Variants in TTC34 observed in about 807,000 individuals in gnomAD.
TTC34 encodes the protein tetratricopeptide repeat domain 34.
TTC34 carries 44 observed loss-of-function variants against 40.7 expected under a neutral mutation model. The ratio of observed to expected loss-of-function variants is 1.08; its 90% CI spans 0.85 to 1.39. TTC34 has a LOEUF of 1.39. TTC34 is among the 40% of genes most tolerant of loss of function. The pLI, the probability that TTC34 is intolerant of heterozygous loss-of-function variation, is 0.00. For missense variants in TTC34, 884 were observed against 838.0 expected, an observed-to-expected ratio of 1.05 and a Z score of -0.68; for synonymous variants, 422 against 398.6, an observed-to-expected ratio of 1.06 and a Z score of -0.70.
intron 6 of TTC34, among the ~76,000 whole-genome samples, chr1:2,761,159 A>AC (rs1308943199): frequency 3.6e-5 from 1 of 27,816 alleles, no homozygotes; most frequent in Non-Finnish European, 5.4e-5. Context: ...AGCAGCGCCG[A>AC]CCCCCCCAGG....
At chr1:2,754,790 C>A (rs1224711390) in intron 6 of TTC34, among the ~76,000 whole-genome samples, 5 of 137,344 alleles carry the variant, frequency 3.6e-5, no homozygotes, top group African/African-American at 9.0e-5. Context: ...CACAGGTGAG[C>A]ATCTGACAGC....
intron 6 of TTC34, chr1:2,775,275 G>T (rs1441143831): frequency 2.0e-5 from 3 of 150,932 alleles, no homozygotes; most frequent in Non-Finnish European, 4.4e-5. Context: ...TCACATCCAG[G>T]TGAGCATCCG....
intron 6 of TTC34, among the ~76,000 whole-genome samples, chr1:2,752,662 A>G (rs1178782905): frequency 5.1e-4 from 72 of 142,042 alleles, no homozygotes; most frequent in Non-Finnish European, 9.8e-4. Flanking sequence ...CCCCCAGGCG[A>G]GCATCTGACA....
At chr1:2,640,439 G>C (rs954957912) in exon 9 of TTC34, 1 of 152,152 alleles carries the variant, frequency 6.6e-6, no homozygotes, top group Admixed American at 6.5e-5. Context: ...GCAGCTTCGG[G>C]AGACAGGTCT....
At chr1:2,641,602 C>G (rs1202083062) in exon 9 of TTC34, 4 of 1,534,084 alleles carry the variant, frequency 2.6e-6, no homozygotes, top group Non-Finnish European at 3.5e-6. Context: ...GCTTCAGGGC[C>G]TGGGCAAAGG....
chr1:2,694,102 C>G (rs1399173110), intron 6 of TTC34, among the ~76,000 whole-genome samples: 3 of 145,362 alleles, frequency 2.1e-5, no homozygotes, highest in African/African-American at 7.8e-5. Context: ...GGAACAGCAC[C>G]CTGCACCCCC....
chr1:2,700,013 C>G (rs1412319998), intron 6 of TTC34, among the ~76,000 whole-genome samples: 1 of 118,308 alleles, frequency 8.5e-6, no homozygotes. Flanking sequence ...GCGTCCACAC[C>G]CCCAGGTGAG....
intron 5 of TTC34, among the ~76,000 whole-genome samples, chr1:2,784,259 C>T (rs558935395): frequency 5.3e-5 from 8 of 152,312 alleles, no homozygotes; most frequent in South Asian, 2.1e-4. Flanking sequence ...AGGTGGCATA[C>T]GTCAGCGTTT....
intron 6 of TTC34, among the ~76,000 whole-genome samples, chr1:2,677,725 CCTG>C (rs1639963529): frequency 4.1e-5 from 6 of 146,224 alleles, no homozygotes; most frequent in African/African-American, 7.6e-5. Context: ...GGAACAGCAC[CCTG>C]CACCCCCAGG....
At position 2,641,294 on chromosome 1, in the gene TTC34, A is replaced by G. The variant is rs539929243; in HGVS notation, c.*74T>C. 6.0e-5 allele frequency: 85 copies of G among 1,425,002 alleles called. No individual in the cohort carries two copies. In the South Asian group the frequency reaches 1.2e-3, roughly 20 times the overall value. The allele number at this position is 1,425,002 out of a possible 1,614,324, so 88.3% of individuals were successfully genotyped here. ...CTCCCCGATTTAGGGAGCTGGGTACACCCCTGGGCCTGGACATCAGGTGCA... is the reference window on the plus strand; with the variant it reads ...CTCCCCGATTTAGGGAGCTGGGTACGCCCCTGGGCCTGGACATCAGGTGCA... On this transcript the variant is annotated 3_prime_UTR_variant, in exon 9 of 9. Transcript: ENST00000401095.
exon 5 of TTC34, chr1:2,785,959 CAGA>C (rs1264972846): frequency 6.6e-7 from 1 of 1,517,260 alleles, no homozygotes; most frequent in Admixed American, 2.1e-5. Context: ...GTCCTCGTGG[CAGA>C]AGACGTCCAG....
chr1:2,677,724 C>A (rs1263876659), intron 6 of TTC34, among the ~76,000 whole-genome samples: 30 of 121,512 alleles, frequency 2.5e-4, no homozygotes, highest in East Asian at 4.8e-4. Flanking sequence ...TGGAACAGCA[C>A]CCTGCACCCC....
intron 6 of TTC34, among the ~76,000 whole-genome samples, chr1:2,780,948 A>C (rs1361635742): frequency 2.6e-5 from 4 of 152,142 alleles, no homozygotes; most frequent in Non-Finnish European, 4.4e-5. Flanking sequence ...AATGTTTTAT[A>C]GTTTTCATTG....
intron 6 of TTC34, among the ~76,000 whole-genome samples, chr1:2,749,870 G>A (rs1641259976): frequency 5.0e-4 from 64 of 127,904 alleles, no homozygotes; most frequent in Non-Finnish European, 6.1e-4. Context: ...CGACAGCCTG[G>A]AGCAGAACCC....
At chr1:2,785,721 G>C in intron 5 of TTC34, 98 bp downstream of exon 5, 1 of 1,335,576 alleles carries the variant, frequency 7.5e-7, no homozygotes, top group Admixed American at 2.6e-5. Context: ...TGCACCTGGG[G>C]AGCATGCGTG....
intron 6 of TTC34, among the ~76,000 whole-genome samples, chr1:2,700,130 C>T (rs768210106): frequency 8.6e-6 from 1 of 116,166 alleles, no homozygotes; most frequent in South Asian, 2.6e-4. Flanking sequence ...GCAGCATCCT[C>T]ACCCCAGGTG....
intron 6 of TTC34, among the ~76,000 whole-genome samples, chr1:2,675,052 C>G (rs1570787186): frequency 7.6e-6 from 1 of 132,390 alleles, no homozygotes; most frequent in African/African-American, 2.7e-5. Context: ...CACAGGTGAG[C>G]ATCGGAGAGT....
chr1:2,759,257 G>T (rs1247412887), intron 6 of TTC34, among the ~76,000 whole-genome samples: 2 of 103,784 alleles, frequency 1.9e-5, no homozygotes, highest in South Asian at 3.6e-4. Flanking sequence ...GCACGTGACA[G>T]CCTGGAACAG....
rs10910011 is a variant in TTC34 at position 2,785,807 on chromosome 1, G to A, written c.2059+12C>T. 17,061 of 1,542,594 alleles carry A rather than the reference G, an allele frequency of 0.011. 1,579 individuals carry two copies. In the African/African-American group the frequency reaches 0.2, roughly 18 times the overall value. ...CAAGACTGGGCCCTGGGGGCAGGTGGGCAGCTCCTACCTGCGGCAAAGATG... is the reference window on the plus strand; with the variant it reads ...CAAGACTGGGCCCTGGGGGCAGGTGAGCAGCTCCTACCTGCGGCAAAGATG... On this transcript the variant is annotated intron_variant, in intron 5 of 8. Transcript: ENST00000401095.
Sources: allele counts gnomAD v4.1 joint callset (sites outside exome capture counted in the v4.1 genomes callset), GRCh38; gene constraint gnomAD v4.1.1; transcripts MANE v1.5; gene names NCBI Gene and HGNC (gene_info 2026-07-23, HGNC 2026-07-21).